The following PRKN variants were observed in gnomAD, a reference collection of about 807,000 sequenced individuals.
PRKN encodes parkin RBR E3 ubiquitin protein ligase, also known as E3 ubiquitin-protein ligase parkin.
PRKN carries 56 observed loss-of-function variants against 59.5 expected under a neutral mutation model. The observed-to-expected ratio is 0.94, with a 90% CI of 0.76 to 1.18. The LOEUF (loss-of-function observed/expected upper bound fraction) is 1.18, where lower values mean the gene tolerates loss of function less well. Ranked by LOEUF, PRKN falls within the 50% of genes most tolerant of loss-of-function variation. PRKN has a pLI of 0.00. For missense variants in PRKN, 657 were observed against 596.4 expected (o/e 1.10, Z -1.06); for synonymous variants, 250 against 222.1 (o/e 1.13, Z -1.12).
intron 5 of PRKN, among the ~76,000 whole-genome samples, chr6:162,011,692 A>G (rs1460937994): frequency 6.7e-6 from 1 of 150,138 alleles, no homozygotes; most frequent in African/African-American, 2.4e-5. Context: ...CATATTTAAA[A>G]GGCTGTATTT....
chr6:162,122,663 T>C (rs1438396320), intron 4 of PRKN, among the ~76,000 whole-genome samples: 2 of 152,126 alleles, frequency 1.3e-5, no homozygotes, highest in Non-Finnish European at 2.9e-5. Flanking sequence ...TAGAAAAGCC[T>C]TAGTGGTGGT....
rs570341277 is a variant in PRKN at position 161,588,212 on chromosome 6, C to T, written c.872-18796G>A. On this transcript the variant is annotated intron_variant, in intron 7 of 11. Transcript: ENST00000366898. The surrounding 1 kb of genome is among the most constrained non-coding windows in gnomAD (Gnocchi z 5.0). ...CAGCCTGGCTAACATGGCAAAACCC[C>T]GTCTCTACTAAAAATGCAAAAATCA... Among the ~76,000 whole-genome samples, 4 of 151,970 alleles carry T rather than the reference C, an allele frequency of 2.6e-5. No individual in the cohort carries two copies. The highest frequency in any genetic ancestry group is 2.1e-4 in the South Asian group (1 of 4,800).
chr6:162,195,259 C>T lies in PRKN; in HGVS notation c.534+5872G>A, dbSNP rs551005878. On this transcript the variant is annotated intron_variant, in intron 4 of 11. Transcript: ENST00000366898. ...CCACTGTGCTTTCAAAGCACTGAAA[C>T]GCCTGATAACCAAATCTACAATAAG... Among the ~76,000 whole-genome samples the T allele has an allele frequency of 1.4e-4, 21 of 152,236 alleles. 1 individual carries two copies. Among genetic ancestry groups the T allele is most frequent in the African/African-American group, 2.4e-4 (10 of 41,560 alleles).
At position 161,991,963 on chromosome 6, in the gene PRKN, T is replaced by A. The variant is rs116584730; in HGVS notation, c.619-18546A>T. On this transcript the variant is annotated intron_variant, in intron 5 of 11. Coordinates refer to ENST00000366898, the MANE Select transcript of PRKN (RefSeq NM_004562.3). ...ACAGTGAAAGGATAGAAAAAGTCATTCCATACAAATAAAAACCAAAAGTGG... is the reference window on the plus strand; with the variant it reads ...ACAGTGAAAGGATAGAAAAAGTCATACCATACAAATAAAAACCAAAAGTGG... Among the ~76,000 whole-genome samples, 767 of 152,110 alleles carry A rather than the reference T, an allele frequency of 5.0e-3. 10 individuals carry two copies. Among genetic ancestry groups the A allele is most frequent in the African/African-American group, 0.018 (749 of 41,494 alleles).
intron 7 of PRKN, among the ~76,000 whole-genome samples, chr6:161,654,038 G>A (rs1216205953): frequency 6.6e-6 from 1 of 151,774 alleles, no homozygotes; most frequent in Non-Finnish European, 1.5e-5. Context: ...TTGCCATGTT[G>A]TTGAGGCTGG....
chr6:161,726,761 T>A (rs1787457708), intron 7 of PRKN, among the ~76,000 whole-genome samples: 1 of 152,102 alleles, frequency 6.6e-6, no homozygotes, highest in Non-Finnish European at 1.5e-5. Flanking sequence ...GCCTGATAGG[T>A]CAGATAGAGA....
intron 9 of PRKN, among the ~76,000 whole-genome samples, chr6:161,521,102 C>A (rs1778803676): frequency 6.6e-6 from 1 of 152,140 alleles, no homozygotes; most frequent in South Asian, 2.1e-4. Flanking sequence ...ATCTCAAAGT[C>A]ATAAGAGAGC....
At chr6:162,567,623 T>A (rs1780138873) in intron 1 of PRKN, among the ~76,000 whole-genome samples, 1 of 152,018 alleles carries the variant, frequency 6.6e-6, no homozygotes, top group Non-Finnish European at 1.5e-5. Flanking sequence ...TCAAAGAGAA[T>A]GCCAAAAAAG....
At chr6:162,476,132 A>G (rs1792002555) in intron 1 of PRKN, among the ~76,000 whole-genome samples, 1 of 141,440 alleles carries the variant, frequency 7.1e-6, no homozygotes, top group Admixed American at 7.5e-5. Flanking sequence ...ATCTCAGCTC[A>G]CTGCAACCTC....
intron 1 of PRKN, among the ~76,000 whole-genome samples, chr6:162,680,869 T>C (rs1779744831): frequency 6.6e-6 from 1 of 152,182 alleles, no homozygotes; most frequent in African/African-American, 2.4e-5. Flanking sequence ...AGATATTTAA[T>C]ATAAACTGTT....
chr6:162,550,838 T>C (rs1316793110), intron 1 of PRKN, among the ~76,000 whole-genome samples: 2 of 152,128 alleles, frequency 1.3e-5, no homozygotes, highest in Admixed American at 1.3e-4. Flanking sequence ...GACGGTGCCA[T>C]GTCACGCAGC....
Position 162,097,027 on chromosome 6 carries a change from C to A in PRKN, c.535-42853G>T, listed in dbSNP as rs972401989. On this transcript the variant is annotated intron_variant, in intron 4 of 11. Transcript: ENST00000366898. ...GAGTAGCTGGGATTACAGGCACATG[C>A]CACCAGGCCCAGCTAATTATTTGTG... Among the ~76,000 whole-genome samples, 56 of 151,796 alleles carry A rather than the reference C, an allele frequency of 3.7e-4. 1 individual carries two copies. The highest frequency in any genetic ancestry group is 1.3e-3 in the African/African-American group (55 of 41,320).
intron 2 of PRKN, among the ~76,000 whole-genome samples, chr6:162,407,528 C>T (rs1402185639): frequency 6.6e-6 from 1 of 152,140 alleles, no homozygotes; most frequent in Non-Finnish European, 1.5e-5. Context: ...AACCAGTAGG[C>T]CCCAAACTCA....
At chr6:162,239,548 C>T (rs371035640) in intron 3 of PRKN, among the ~76,000 whole-genome samples, 6 of 152,174 alleles carry the variant, frequency 3.9e-5, no homozygotes, top group East Asian at 3.9e-4. Flanking sequence ...TCCACTCCCA[C>T]GGCATCTCGG....
chr6:161,649,282 C>T (rs1453327005), intron 7 of PRKN, among the ~76,000 whole-genome samples: 1 of 152,164 alleles, frequency 6.6e-6, no homozygotes, highest in Non-Finnish European at 1.5e-5. Context: ...CCCTCCTGGC[C>T]TCTTGCTTGC....
intron 7 of PRKN, among the ~76,000 whole-genome samples, chr6:161,738,653 T>C (rs73783378): frequency 0.036 from 5,406 of 152,206 alleles, 352 homozygotes; most frequent in African/African-American, 0.12. Context: ...AACTAGTGTG[T>C]GTGGTCACCA....
intron 6 of PRKN, among the ~76,000 whole-genome samples, chr6:161,858,857 A>ATTTTTTTTTTTTTTTTTT (rs1491531194): frequency 1.8e-5 from 1 of 55,958 alleles, no homozygotes; most frequent in South Asian, 7.0e-4. Context: ...GCACAGCTGT[A>ATTTTTTTTTTTTTTTTTT]CTTTTTTTTT....
intron 6 of PRKN, among the ~76,000 whole-genome samples, chr6:161,940,281 CAAAAAAAAAAA>C (rs1276665565): frequency 6.8e-6 from 1 of 148,024 alleles, no homozygotes; most frequent in Non-Finnish European, 1.5e-5. Context: ...AAAAATATAG[CAAAAAAAAAAA>C]GAAAAGAAAA....
intron 6 of PRKN, among the ~76,000 whole-genome samples, chr6:161,840,910 A>C (rs1792958992): frequency 2.0e-5 from 3 of 152,034 alleles, no homozygotes; most frequent in Admixed American, 2.0e-4. Flanking sequence ...TAAAAAGTCA[A>C]AAAAAAACAG....
Sources: gnomAD v4.1 joint callset for allele counts (sites outside exome capture counted in the v4.1 genomes callset) on GRCh38, gnomAD v4.1.1 for gene constraint, Gnocchi (gnomAD v3.1) non-coding constraint, MANE v1.5 for transcripts, NCBI Gene and HGNC (gene_info 2026-07-23, HGNC 2026-07-21) for gene names.